Variants in CALD1 observed in about 807,000 individuals in gnomAD.
The protein encoded by CALD1 is caldesmon 1, also known as caldesmon.
A neutral mutation model predicts 99.9 loss-of-function variants in CALD1; 33 were observed. The observed-to-expected ratio is 0.33, with a 90% CI of 0.25 to 0.44. CALD1 has a LOEUF of 0.44. Among genes scored for constraint, CALD1 ranks in the 20% least tolerant of loss-of-function variants. The probability of loss-of-function intolerance (pLI) is 1.00; values close to 1 mark genes in which losing one functional copy is unlikely to be tolerated. For missense variants in CALD1, 861 were observed against 962.1 expected (o/e 0.89, Z 1.39); for synonymous variants, 310 against 325.0 (o/e 0.95, Z 0.50).
At chr7:134,736,138 T>A in the CALD1 span, among the ~76,000 whole-genome samples, 1 of 152,220 alleles carries the variant, frequency 6.6e-6, no homozygotes, top group Non-Finnish European at 1.5e-5. Flanking sequence ...TTTATGTGTC[T>A]ATTGCAGGAA....
At chr7:134,838,025 C>T (rs1043806222) in intron 1 of CALD1, among the ~76,000 whole-genome samples, 2 of 152,178 alleles carry the variant, frequency 1.3e-5, no homozygotes, top group African/African-American at 2.4e-5. Flanking sequence ...CTGTTTGCTA[C>T]AGAATGCCAC....
chr7:134,775,501 G>A (rs538844503), upstream of CALD1, among the ~76,000 whole-genome samples: 1 of 152,278 alleles, frequency 6.6e-6, no homozygotes, highest in East Asian at 1.9e-4. Flanking sequence ...CAAGAGGTCA[G>A]GAGATCGAGA....
the CALD1 span, among the ~76,000 whole-genome samples, chr7:134,729,518 G>A: frequency 5.3e-5 from 8 of 152,340 alleles, no homozygotes; most frequent in East Asian, 1.5e-3. Context: ...CAGCCCCCGA[G>A]GGCAGGCCCA....
chr7:134,801,438 T>C (rs1453783638), intron 1 of CALD1, among the ~76,000 whole-genome samples: 2 of 152,226 alleles, frequency 1.3e-5, no homozygotes, highest in Admixed American at 1.3e-4. Flanking sequence ...CAAATTCCTA[T>C]TTGCTGAACT....
chr7:134,754,397 C>T (rs1451663422), intron 1 of CALD1, among the ~76,000 whole-genome samples: 7 of 152,072 alleles, frequency 4.6e-5, no homozygotes, highest in Admixed American at 3.3e-4. Flanking sequence ...TTTTTAATAC[C>T]ACCCTTGTCT....
the CALD1 span, among the ~76,000 whole-genome samples, chr7:134,737,284 C>T: frequency 1.5e-5 from 2 of 131,786 alleles, no homozygotes; most frequent in African/African-American, 6.0e-5. Context: ...ACCACCACAC[C>T]CGGCTAATTT....
At chr7:134,738,319 T>A in the CALD1 span, among the ~76,000 whole-genome samples, 1 of 152,224 alleles carries the variant, frequency 6.6e-6, no homozygotes, top group Non-Finnish European at 1.5e-5. Flanking sequence ...GCATAAAAAA[T>A]TGTTTTGTTA....
At chr7:134,740,562 C>T (rs1585893307), upstream of CALD1, among the ~76,000 whole-genome samples, 1 of 152,170 alleles carries the variant, frequency 6.6e-6, no homozygotes, top group African/African-American at 2.4e-5. Context: ...AAACTTACTG[C>T]ATTAATGGAA....
In CALD1 at chr7:134,950,416, G is replaced by A; in HGVS notation, c.1837G>A (p.Ala613Thr). 1 of 1,614,154 alleles carries A rather than the reference G, an allele frequency of 6.2e-7. No homozygotes were observed. Among genetic ancestry groups the A allele is most frequent in the Non-Finnish European group, 8.5e-7 (1 of 1,179,946 alleles). ...RLKEEIERRRAEAAEKRQKMP... is the reference protein window; with the variant it reads ...RLKEEIERRRTEAAEKRQKMP... ...AAAGGAAGAGATTGAAAGGCGAAGA[G>A]CAGAAGCTGCTGAGAAACGCCAGAA... is the stretch of plus-strand genomic sequence containing the variant. The change falls in exon 9 of 15, where the codon GCA becomes ACA. Residue 613 changes from alanine (A) to threonine (T), a missense_variant. Around this residue, in one of 5 missense-constraint regions of CALD1, gnomAD observed 190 missense variants for 249.0 expected, o/e 0.76. Transcript: ENST00000361675.
chr7:134,771,442 T>C (rs1416881998), intron 1 of CALD1, among the ~76,000 whole-genome samples: 1 of 152,204 alleles, frequency 6.6e-6, no homozygotes, highest in Non-Finnish European at 1.5e-5. Context: ...TTCCTCTCTT[T>C]TTCTCACAGT....
rs1443108690 is a variant in CALD1, at chr7:134,969,141, C to T, written c.*796C>T. The T allele has an allele frequency of 2.0e-5, 3 of 152,522 alleles. No homozygotes were observed. Among genetic ancestry groups the T allele is most frequent in the Non-Finnish European group, 4.4e-5 (3 of 68,070 alleles). 9.4% of individuals were successfully genotyped at this position (152,522 alleles called of 1,614,324 possible). Reference sequence around the variant, plus strand: ...TCATTGTAACTAGCCAATATCACAGCTTTTGAAAAATTAAAAAATCACACT... The same window carrying T: ...TCATTGTAACTAGCCAATATCACAGTTTTTGAAAAATTAAAAAATCACACT... On this transcript the variant is annotated 3_prime_UTR_variant, in exon 15 of 15. Coordinates refer to ENST00000361675, the MANE Select transcript of CALD1 (RefSeq NM_033138.4).
chr7:134,728,845 CTTTTTTTTTTT>C, the CALD1 span, among the ~76,000 whole-genome samples: 4 of 124,228 alleles, frequency 3.2e-5, no homozygotes, highest in Admixed American at 8.3e-5. Context: ...TATACCTTTT[CTTTTTTTTTTT>C]TTTTTTTTTT....
intron 3 of CALD1, among the ~76,000 whole-genome samples, chr7:134,908,455 T>C (rs1006787219): frequency 2.0e-5 from 3 of 152,184 alleles, no homozygotes; most frequent in African/African-American, 7.2e-5. Flanking sequence ...CTCCACTCTA[T>C]TTTCTGAATG....
Position 134,968,635 on chromosome 7 carries a change from C to T in CALD1, c.*290C>T, listed in dbSNP as rs1401595856. On this transcript the variant is annotated 3_prime_UTR_variant, in exon 15 of 15. Coordinates refer to ENST00000361675, the MANE Select transcript of CALD1 (RefSeq NM_033138.4). ...ATAACTCTGTATCTGAGCAGTGATA[C>T]CAACCACATCTGAAGTCAACAGAAG... 2 of 636,180 alleles carry T rather than the reference C, an allele frequency of 3.1e-6. No homozygotes were observed. The highest frequency in any genetic ancestry group is 4.2e-5 in the Admixed American group (2 of 47,728). The allele number at this position is 636,180 out of a possible 1,614,324, so 39.4% of individuals were successfully genotyped here.
intron 1 of CALD1, among the ~76,000 whole-genome samples, chr7:134,755,853 T>G (rs1796722558): frequency 6.6e-6 from 1 of 152,246 alleles, no homozygotes; most frequent in Admixed American, 6.5e-5. Context: ...AACATTTTCC[T>G]GTATTTCCTC....
upstream of CALD1, among the ~76,000 whole-genome samples, chr7:134,778,136 T>C (rs1214614626): frequency 6.6e-6 from 1 of 152,188 alleles, no homozygotes; most frequent in African/African-American, 2.4e-5. Context: ...TTTTGGGCTG[T>C]GCAGCAGTAG....
chr7:134,868,837 C>T (rs1048933227), intron 3 of CALD1, among the ~76,000 whole-genome samples: 1 of 152,166 alleles, frequency 6.6e-6, no homozygotes, highest in Non-Finnish European at 1.5e-5. Flanking sequence ...CTGCCATTTG[C>T]AAGCTGTGTG....
chr7:134,855,575 G>T (rs1347108596), intron 2 of CALD1, among the ~76,000 whole-genome samples: 2 of 152,176 alleles, frequency 1.3e-5, no homozygotes, highest in East Asian at 1.9e-4. Flanking sequence ...TTAACATGTT[G>T]ATCTGTCTGC....
At chr7:134,949,792 G>C (rs923005625) in intron 8 of CALD1, among the ~76,000 whole-genome samples, 1 of 152,070 alleles carries the variant, frequency 6.6e-6, no homozygotes, top group Non-Finnish European at 1.5e-5. Flanking sequence ...TCATCATAAT[G>C]AGTGTTAGTC....
Sources: allele counts gnomAD v4.1 joint callset (sites outside exome capture counted in the v4.1 genomes callset), GRCh38; gene constraint gnomAD v4.1.1; regional missense constraint gnomAD v4.1.1; transcripts MANE v1.5; gene names NCBI Gene and HGNC (gene_info 2026-07-23, HGNC 2026-07-21).